The following MEIS2 variants were observed in gnomAD, a reference collection of about 807,000 sequenced individuals.
MEIS2 encodes the protein Meis homeobox 2, also known as homeobox protein Meis2.
MEIS2 carries 9 observed loss-of-function variants against 58.6 expected under a neutral mutation model. The ratio of observed to expected loss-of-function variants is 0.15; its 90% CI spans 0.09 to 0.27. The LOEUF is 0.27. Ranked by LOEUF, MEIS2 falls within the 10% of genes least tolerant of loss-of-function variation. MEIS2 has a pLI of 1.00. For synonymous variants in MEIS2, 221 were observed against 228.4 expected (o/e 0.97, Z 0.29); for missense variants, 427 against 635.0 (o/e 0.67, Z 3.52).
At chr15:37,001,529 C>T (rs1457926947) in intron 8 of MEIS2, among the ~76,000 whole-genome samples, 2 of 152,188 alleles carry the variant, frequency 1.3e-5, no homozygotes, top group South Asian at 2.1e-4. Context: ...TTGCTTCCCC[C>T]TCTTTCCCTG....
At chr15:36,906,015 T>C (rs534964726) in intron 9 of MEIS2, among the ~76,000 whole-genome samples, 6 of 152,222 alleles carry the variant, frequency 3.9e-5, no homozygotes, top group Non-Finnish European at 8.8e-5. Context: ...CTGAAGCAGA[T>C]TAAAAGAACG....
chr15:36,929,957 C>T (rs565569580), intron 9 of MEIS2, among the ~76,000 whole-genome samples: 1 of 152,118 alleles, frequency 6.6e-6, no homozygotes, highest in East Asian at 1.9e-4. Context: ...AATGCCAGCA[C>T]TTTGGGAGGC....
intron 1 of MEIS2, 196 bp downstream of exon 1, chr15:37,099,258 AC>A: frequency 6.9e-7 from 1 of 1,449,338 alleles, no homozygotes; most frequent in South Asian, 1.5e-5. Context: ...GCACACACGC[AC>A]GCACACACAC....
At chr15:37,031,569 C>T (rs1595968232) in intron 8 of MEIS2, among the ~76,000 whole-genome samples, 1 of 152,158 alleles carries the variant, frequency 6.6e-6, no homozygotes, top group African/African-American at 2.4e-5. Flanking sequence ...CTTGGGTGCA[C>T]TGTCTCTGTA....
intron 8 of MEIS2, among the ~76,000 whole-genome samples, chr15:37,005,119 CT>C (rs2060870363): frequency 6.6e-6 from 1 of 152,186 alleles, no homozygotes. Context: ...GCTTATTTAA[CT>C]TGCCTTTTCA....
chr15:36,892,535 G>GAAA (rs1271676407), intron 11 of MEIS2, 76 bp from the exon 12 acceptor site: 178 of 513,306 alleles, frequency 3.5e-4, no homozygotes, highest in South Asian at 5.8e-4. Flanking sequence ...AAGATGAAAA[G>GAAA]AAAAAAAAAA....
At chr15:36,927,211 G>T (rs895942605) in intron 9 of MEIS2, among the ~76,000 whole-genome samples, 2 of 152,186 alleles carry the variant, frequency 1.3e-5, no homozygotes, top group African/African-American at 4.8e-5. Flanking sequence ...ATCCTGCTGA[G>T]AGGCTAGCCC....
chr15:36,928,380 C>T (rs7173425), intron 9 of MEIS2, among the ~76,000 whole-genome samples: 13,773 of 152,136 alleles, frequency 0.091, 704 homozygotes, highest in East Asian at 0.2. Flanking sequence ...ACAGTTCTCA[C>T]AGTAATATTC....
At chr15:36,966,007 A>AGC (rs2059342699) in intron 8 of MEIS2, among the ~76,000 whole-genome samples, 1 of 152,240 alleles carries the variant, frequency 6.6e-6, no homozygotes, top group African/African-American at 2.4e-5. Flanking sequence ...ATCTCTGGAG[A>AGC]AACTCTATTA....
intron 9 of MEIS2, among the ~76,000 whole-genome samples, chr15:36,911,948 A>C (rs1380819366): frequency 6.6e-6 from 1 of 152,222 alleles, no homozygotes; most frequent in Non-Finnish European, 1.5e-5. Context: ...CCTTCTGTTT[A>C]AGCAGAAGTA....
chr15:36,900,727 A>C (rs2056425472), intron 9 of MEIS2, among the ~76,000 whole-genome samples: 1 of 152,206 alleles, frequency 6.6e-6, no homozygotes, highest in South Asian at 2.1e-4. Context: ...GTAGCTTTGC[A>C]TACTTTTCTA....
intron 8 of MEIS2, among the ~76,000 whole-genome samples, chr15:36,951,248 T>C (rs948130330): frequency 3.9e-5 from 6 of 152,180 alleles, no homozygotes; most frequent in Non-Finnish European, 7.4e-5. Context: ...TTTAGACCCA[T>C]ACCTTTATTT....
chr15:36,979,472 A>T (rs898161278), intron 8 of MEIS2, among the ~76,000 whole-genome samples: 34 of 151,974 alleles, frequency 2.2e-4, no homozygotes, highest in African/African-American at 7.7e-4. Flanking sequence ...TGCCAATATG[A>T]TAGGTGAAAA....
chr15:36,956,513 G>A (rs1490620056), intron 8 of MEIS2, among the ~76,000 whole-genome samples: 2 of 152,182 alleles, frequency 1.3e-5, no homozygotes, highest in Non-Finnish European at 2.9e-5. Context: ...TAATCATGCT[G>A]TTTGCATTAA....
chr15:36,969,591 A>G (rs548871167), intron 8 of MEIS2, among the ~76,000 whole-genome samples: 7 of 152,340 alleles, frequency 4.6e-5, no homozygotes, highest in African/African-American at 1.7e-4. Flanking sequence ...ATATTTACAG[A>G]TAAATCCTCT....
intron 8 of MEIS2, among the ~76,000 whole-genome samples, chr15:36,997,489 C>CTT (rs11286332): frequency 4.8e-4 from 65 of 136,322 alleles, no homozygotes; most frequent in South Asian, 2.5e-3. Flanking sequence ...CTCTCTCTCT[C>CTT]TTTTTTTTTT....
At chr15:36,994,194 C>G (rs1033088265) in intron 8 of MEIS2, among the ~76,000 whole-genome samples, 6 of 151,930 alleles carry the variant, frequency 3.9e-5, no homozygotes, top group African/African-American at 1.5e-4. Flanking sequence ...ACTGTAGACT[C>G]AAACATAAGT....
chr15:37,040,766 A>G (rs1172681470), intron 7 of MEIS2, among the ~76,000 whole-genome samples: 1 of 152,214 alleles, frequency 6.6e-6, no homozygotes, highest in Non-Finnish European at 1.5e-5. Context: ...AGGCCTGTGG[A>G]CAGATAAATC....
At chr15:37,016,247 T>C (rs1281400340) in intron 8 of MEIS2, among the ~76,000 whole-genome samples, 1 of 152,204 alleles carries the variant, frequency 6.6e-6, no homozygotes, top group Non-Finnish European at 1.5e-5. Context: ...ACTGCTCCCA[T>C]GGCAAACTAA....
Sources: allele counts gnomAD v4.1 joint callset (sites outside exome capture counted in the v4.1 genomes callset), GRCh38; gene constraint gnomAD v4.1.1; transcripts MANE v1.5; gene names NCBI Gene and HGNC (gene_info 2026-07-23, HGNC 2026-07-21).